Variants in PREX1 observed in about 807,000 individuals in gnomAD.
PREX1 encodes the protein phosphatidylinositol 3,4,5-trisphosphate-dependent Rac exchanger 1 protein.
Under a neutral mutation model 198.3 loss-of-function variants are expected in PREX1, and 41 were observed. The ratio of observed to expected loss-of-function variants is 0.21; its 90% CI spans 0.16 to 0.27. PREX1 has a LOEUF of 0.27. Among genes scored for constraint, PREX1 ranks in the 10% least tolerant of loss-of-function variants. The probability of loss-of-function intolerance (pLI) is 1.00; values close to 1 mark genes in which losing one functional copy is unlikely to be tolerated. For synonymous variants in PREX1, 843 were observed against 887.2 expected, an observed-to-expected ratio of 0.95 and a Z score of 0.89; for missense variants, 1,620 against 2,200.7, an observed-to-expected ratio of 0.74 and a Z score of 5.28.
chr20:48,685,379 C>A (rs1229614576), intron 10 of PREX1, among the ~76,000 whole-genome samples: 1 of 152,100 alleles, frequency 6.6e-6, no homozygotes, highest in Non-Finnish European at 1.5e-5. Context: ...AGAAAGAGGC[C>A]CCTCCTTCAT....
the PREX1 span, among the ~76,000 whole-genome samples, chr20:48,840,293 G>A: frequency 6.6e-6 from 1 of 151,012 alleles, no homozygotes; most frequent in Admixed American, 6.6e-5. Flanking sequence ...AGGGTTACAG[G>A]TGTGAGCCAC....
intron 1 of PREX1, among the ~76,000 whole-genome samples, chr20:48,753,986 C>A (rs760937334): frequency 2.0e-5 from 3 of 152,154 alleles, no homozygotes; most frequent in Non-Finnish European, 2.9e-5. Flanking sequence ...TCCCTCAGGG[C>A]AGAAGTCAAT....
At chr20:48,656,363 C>A in intron 18 of PREX1, 1 of 425,274 alleles carries the variant, frequency 2.4e-6, no homozygotes, top group Non-Finnish European at 4.8e-6. Context: ...CACTTGCAGC[C>A]ACAGGACTTC....
intron 1 of PREX1, among the ~76,000 whole-genome samples, chr20:48,820,891 C>A (rs1392360865): frequency 6.6e-6 from 1 of 152,206 alleles, no homozygotes; most frequent in South Asian, 2.1e-4. Flanking sequence ...GAAATGACCC[C>A]GTGAAACCTC....
the PREX1 span, among the ~76,000 whole-genome samples, chr20:48,861,111 A>G: frequency 6.6e-6 from 1 of 152,140 alleles, no homozygotes; most frequent in African/African-American, 2.4e-5. Flanking sequence ...CTCCTTCTAT[A>G]GATGTTAATA....
intron 5 of PREX1, among the ~76,000 whole-genome samples, chr20:48,720,415 T>C (rs1055497453): frequency 1.3e-5 from 2 of 152,240 alleles, no homozygotes; most frequent in Non-Finnish European, 2.9e-5. Flanking sequence ...CCTCAAGCAG[T>C]GCCTGACACA....
intron 5 of PREX1, among the ~76,000 whole-genome samples, chr20:48,718,599 C>G (rs1454011629): frequency 6.6e-6 from 1 of 152,028 alleles, no homozygotes; most frequent in Non-Finnish European, 1.5e-5. Context: ...AAGATATTAT[C>G]AGATCAGATT....
At position 48,625,323 on chromosome 20, in the gene PREX1, C is replaced by G. The variant is rs2089261915; in HGVS notation, c.*562G>C. On this transcript the variant is annotated 3_prime_UTR_variant, in exon 40 of 40. Transcript: ENST00000371941. ...GCGGTGATGTCCAGAGCTGGTGTGG[C>G]TCTCGGGGATCCTCTGGTAACAGGC... The G allele has an allele frequency of 6.6e-6, 1 of 152,034 alleles. No individual in the cohort carries two copies. Among genetic ancestry groups the G allele is most frequent in the African/African-American group, 2.4e-5 (1 of 41,354 alleles). The allele number at this position is 152,034 out of a possible 1,614,324, so 9.4% of individuals were successfully genotyped here.
chr20:48,654,213 G>C (rs930988901), intron 19 of PREX1, among the ~76,000 whole-genome samples: 2 of 152,252 alleles, frequency 1.3e-5, no homozygotes, highest in African/African-American at 4.8e-5. Flanking sequence ...TCCCTACGCT[G>C]AGGGTCGCGG....
At chr20:48,765,039 G>A (rs2090202265) in intron 1 of PREX1, among the ~76,000 whole-genome samples, 1 of 152,160 alleles carries the variant, frequency 6.6e-6, no homozygotes, top group East Asian at 1.9e-4. Flanking sequence ...CTCCAGAAGT[G>A]TAAGATAATA....
chr20:48,638,913 G>A (rs1306435129), intron 30 of PREX1, among the ~76,000 whole-genome samples: 1 of 152,194 alleles, frequency 6.6e-6, no homozygotes, highest in Admixed American at 6.5e-5. Flanking sequence ...TGGACCCAGA[G>A]TCGATGCTCC....
chr20:48,869,559 G>A, the PREX1 span, among the ~76,000 whole-genome samples: 3 of 151,996 alleles, frequency 2.0e-5, no homozygotes, highest in Non-Finnish European at 4.4e-5. Context: ...ATAGTGCTGA[G>A]CACTATTTAC....
chr20:48,635,649 TGACAGAGAA>T (rs2068422392), intron 32 of PREX1, among the ~76,000 whole-genome samples: 1 of 152,210 alleles, frequency 6.6e-6, no homozygotes, highest in Admixed American at 6.5e-5. Context: ...AGGCTGTCTC[TGACAGAGAA>T]GCTGCAGTGC....
rs200421256 is a variant in PREX1, at chr20:48,642,200, G to A, written c.3743C>T (p.Thr1248Ile). The change falls in exon 29 of 40, where the codon ACC becomes ATC. Residue 1248 changes from threonine (T) to isoleucine (I), a missense_variant. Transcript: ENST00000371941. The part of the protein sequence containing the change: ...GPVMSRAFEE[T>I]KHFPMNHSLQ... ...GCTGTGGTTCATAGGGAAATGCTTG[G>A]TCTCTTCGAAAGCCCGGCTCATGAC... The A allele has an allele frequency of 1.2e-6, 2 of 1,614,204 alleles. No individual in the cohort carries two copies. Among genetic ancestry groups the A allele is most frequent in the East Asian group, 2.2e-5 (1 of 44,878 alleles).
At chr20:48,769,537 G>A (rs1024499891) in intron 1 of PREX1, among the ~76,000 whole-genome samples, 3 of 152,164 alleles carry the variant, frequency 2.0e-5, no homozygotes, top group Non-Finnish European at 4.4e-5. Flanking sequence ...CTATCAGAAT[G>A]AGCTCACACT....
intron 4 of PREX1, among the ~76,000 whole-genome samples, chr20:48,730,118 C>T (rs1019743352): frequency 6.6e-6 from 1 of 152,056 alleles, no homozygotes; most frequent in Non-Finnish European, 1.5e-5. Flanking sequence ...CTTCTGGCCT[C>T]CACAACTGAA....
chr20:48,686,142 G>A (rs879902391), intron 10 of PREX1, among the ~76,000 whole-genome samples: 16 of 152,016 alleles, frequency 1.1e-4, no homozygotes, highest in African/African-American at 3.4e-4. Flanking sequence ...ACTGTTTCAC[G>A]GTGTTGTGTG....
intron 4 of PREX1, among the ~76,000 whole-genome samples, chr20:48,732,949 A>G (rs1224085730): frequency 6.6e-6 from 1 of 152,170 alleles, no homozygotes; most frequent in Non-Finnish European, 1.5e-5. Context: ...CTAGGGCCTT[A>G]GCCCCTGACA....
chr20:48,875,697 GA>G, the PREX1 span, among the ~76,000 whole-genome samples: 1 of 152,188 alleles, frequency 6.6e-6, no homozygotes, highest in Non-Finnish European at 1.5e-5. Context: ...AGGCACAGGA[GA>G]GAAGTCTGAC....
Sources: allele counts gnomAD v4.1 joint callset (sites outside exome capture counted in the v4.1 genomes callset), GRCh38; gene constraint gnomAD v4.1.1; transcripts MANE v1.5; gene names NCBI Gene and HGNC (gene_info 2026-07-23, HGNC 2026-07-21).